The following PDS5B variants were observed in gnomAD, a reference collection of about 807,000 sequenced individuals.
PDS5B encodes sister chromatid cohesion protein PDS5 homolog B.
A neutral mutation model predicts 184.1 loss-of-function variants in PDS5B; 51 were observed. The observed-to-expected ratio is 0.28, with a 90% CI of 0.22 to 0.35. PDS5B has a LOEUF of 0.35. Among genes scored for constraint, PDS5B ranks in the 10% least tolerant of loss-of-function variants. The pLI is 1.00. For synonymous variants in PDS5B, 566 were observed against 569.2 expected (o/e 0.99, Z 0.08); for missense variants, 1,180 against 1,723.3 (o/e 0.68, Z 5.58).
chr13:32,736,035 A>G (rs1953317148), intron 21 of PDS5B, among the ~76,000 whole-genome samples: 2 of 152,138 alleles, frequency 1.3e-5, no homozygotes, highest in Admixed American at 1.3e-4. Context: ...CCTAGAAATT[A>G]CAACATGGAC....
intron 1 of PDS5B, among the ~76,000 whole-genome samples, chr13:32,595,743 G>A (rs140315904): frequency 6.6e-6 from 1 of 152,272 alleles, no homozygotes; most frequent in Non-Finnish European, 1.5e-5. Flanking sequence ...CAGAGACAAA[G>A]GGTCTAACAA....
At chr13:32,721,248 G>T (rs1566371855) in intron 19 of PDS5B, among the ~76,000 whole-genome samples, 1 of 151,352 alleles carries the variant, frequency 6.6e-6, no homozygotes, top group East Asian at 2.0e-4. Flanking sequence ...CCTCCCAGAC[G>T]GGGTGGCTGC....
chr13:32,622,529 T>A (rs1302688470), intron 1 of PDS5B, among the ~76,000 whole-genome samples: 1 of 152,202 alleles, frequency 6.6e-6, no homozygotes, highest in Non-Finnish European at 1.5e-5. Flanking sequence ...GCTCTATAAA[T>A]GACCAACAAA....
At chr13:32,742,863 GA>G (rs1953608770) in intron 23 of PDS5B, 136 bp downstream of exon 23, 1 of 773,902 alleles carries the variant, frequency 1.3e-6, no homozygotes, top group Admixed American at 3.0e-5. Context: ...ATTTTTACTG[GA>G]ATATGCTTTT....
intron 19 of PDS5B, 74 bp downstream of exon 19, chr13:32,710,180 G>A (rs1952160375): frequency 9.3e-7 from 1 of 1,074,766 alleles, no homozygotes; most frequent in Admixed American, 2.8e-5. Flanking sequence ...GCAATAATTG[G>A]GAATCTTTCA....
At chr13:32,640,688 C>G (rs1434511683) in intron 1 of PDS5B, among the ~76,000 whole-genome samples, 1 of 151,966 alleles carries the variant, frequency 6.6e-6, no homozygotes, top group Non-Finnish European at 1.5e-5. Context: ...AAGGGAAATT[C>G]TAGGTTATAG....
At chr13:32,633,093 A>G (rs2058483219) in intron 1 of PDS5B, among the ~76,000 whole-genome samples, 1 of 152,218 alleles carries the variant, frequency 6.6e-6, no homozygotes, top group South Asian at 2.1e-4. Flanking sequence ...TTCTACTTAC[A>G]TGAGGCACTT....
chr13:32,613,561 C>A (rs549366920), intron 1 of PDS5B, among the ~76,000 whole-genome samples: 15 of 152,238 alleles, frequency 9.9e-5, no homozygotes, highest in Non-Finnish European at 1.8e-4. Flanking sequence ...CTATTCATAT[C>A]CTTTGCCCAT....
chr13:32,721,496 C>T (rs567358198), intron 19 of PDS5B, among the ~76,000 whole-genome samples: 10 of 149,214 alleles, frequency 6.7e-5, no homozygotes, highest in East Asian at 2.0e-4. Context: ...GGGTCGTGGC[C>T]GGGCAGAGGC....
At chr13:32,605,908 C>T (rs1215117404) in intron 1 of PDS5B, among the ~76,000 whole-genome samples, 25 of 67,510 alleles carry the variant, frequency 3.7e-4, no homozygotes, top group South Asian at 7.2e-4. Context: ...TTTTTTTTTT[C>T]CCATTTGCTT....
chr13:32,688,715 A>G lies in PDS5B; in HGVS notation c.1469+146A>G, dbSNP rs549716748. On this transcript the variant is annotated intron_variant, in intron 13 of 34. Coordinates refer to ENST00000315596, the MANE Select transcript of PDS5B (RefSeq NM_015032.4). ...AAGGGTTATGTCGTAGTACTTGGCT[A>G]TTTTTTCAGAAAGTACCACTTTAAA... The G allele has an allele frequency of 1.2e-3, 729 of 598,698 alleles. 12 individuals carry two copies. The South Asian group carries it at 0.014, about 11-fold the overall frequency. The allele number at this position is 598,698 out of a possible 1,614,324, so 37.1% of individuals were successfully genotyped here.
At chr13:32,760,048 T>C (rs1235692553) in intron 29 of PDS5B, among the ~76,000 whole-genome samples, 1 of 152,032 alleles carries the variant, frequency 6.6e-6, no homozygotes, top group Non-Finnish European at 1.5e-5. Context: ...CTCCGCCTCC[T>C]GGGTTCAAGT....
Position 32,775,138 on chromosome 13 carries a change from C to G in PDS5B, c.*86C>G, listed in dbSNP as rs1954918005. ...GGTCAAGCTTGAGGCTGAATAAAGC[C>G]TTTGATGCACAAAATGGGACTGCTG... On this transcript the variant is annotated 3_prime_UTR_variant, in exon 35 of 35. Coordinates refer to ENST00000315596, the MANE Select transcript of PDS5B (RefSeq NM_015032.4). 1 of 1,077,958 alleles carries G rather than the reference C, an allele frequency of 9.3e-7. No homozygotes were observed. The highest frequency in any genetic ancestry group is 1.3e-6 in the Non-Finnish European group (1 of 765,308). The allele number at this position is 1,077,958 out of a possible 1,614,324, so 66.8% of individuals were successfully genotyped here.
intron 31 of PDS5B, among the ~76,000 whole-genome samples, chr13:32,766,270 A>G (rs1433350288): frequency 6.6e-6 from 1 of 152,204 alleles, no homozygotes; most frequent in Non-Finnish European, 1.5e-5. Context: ...AAGTTGGGAA[A>G]CATGGTTTTT....
intron 3 of PDS5B, among the ~76,000 whole-genome samples, chr13:32,654,184 ATATT>A (rs564413917): frequency 7.6e-4 from 116 of 152,260 alleles, no homozygotes; most frequent in Non-Finnish European, 1.1e-3. Context: ...TGCTTTCTAA[ATATT>A]TAAGAGATTT....
At chr13:32,750,917 A>G (rs1242624496) in intron 24 of PDS5B, among the ~76,000 whole-genome samples, 2 of 150,490 alleles carry the variant, frequency 1.3e-5, no homozygotes, top group African/African-American at 4.9e-5. Context: ...GGGTACATGT[A>G]CAGGTTTGTT....
chr13:32,694,644 G>C (rs1951651588), intron 14 of PDS5B, among the ~76,000 whole-genome samples: 1 of 151,736 alleles, frequency 6.6e-6, no homozygotes. Flanking sequence ...GCCACTCTAA[G>C]ATGTTCCCTA....
chr13:32,677,385 G>A lies in PDS5B; in HGVS notation c.962+1426G>A, dbSNP rs146244726. Among the ~76,000 whole-genome samples the A allele has an allele frequency of 6.3e-3, 951 of 152,106 alleles. 6 individuals are homozygous for A. The highest frequency in any genetic ancestry group is 0.022 in the African/African-American group (913 of 41,520). On this transcript the variant is annotated intron_variant, in intron 9 of 34. Transcript: ENST00000315596. ...TGTATTTTATTGGTTTTTAGCTGGA[G>A]AAATCCTAATGTAAATGTATATGTC... is the stretch of plus-strand genomic sequence containing the variant.
At chr13:32,709,652 C>T (rs1171021935) in intron 18 of PDS5B, among the ~76,000 whole-genome samples, 1 of 151,796 alleles carries the variant, frequency 6.6e-6, no homozygotes, top group Admixed American at 6.6e-5. Context: ...TCATTCCCCA[C>T]CAAAAAACCT....
Sources: gnomAD v4.1 joint callset for allele counts (sites outside exome capture counted in the v4.1 genomes callset) on GRCh38, gnomAD v4.1.1 for gene constraint, MANE v1.5 for transcripts, NCBI Gene and HGNC (gene_info 2026-07-23, HGNC 2026-07-21) for gene names.